RELN: variants seen among roughly 807,000 people sequenced by gnomAD.
The protein encoded by RELN is reelin.
Under a neutral mutation model 427.6 loss-of-function variants are expected in RELN, and 108 were observed. The ratio of observed to expected loss-of-function variants is 0.25; its 90% CI spans 0.22 to 0.30. The LOEUF (loss-of-function observed/expected upper bound fraction) is 0.30. Among genes scored for constraint, RELN ranks in the 10% least tolerant of loss-of-function variants. The probability of loss-of-function intolerance (pLI) is 1.00; values close to 1 mark genes in which losing one functional copy is unlikely to be tolerated. For missense variants in RELN, 3,715 were observed against 4,302.8 expected, an observed-to-expected ratio of 0.86 and a Z score of 3.82; for synonymous variants, 1,524 against 1,513.4, an observed-to-expected ratio of 1.01 and a Z score of -0.16.
chr7:103,474,179 CATT>C (rs1328897794), intron 64 of RELN, among the ~76,000 whole-genome samples: 1 of 152,022 alleles, frequency 6.6e-6, no homozygotes, highest in African/African-American at 2.4e-5. Context: ...ACAGTTTCAT[CATT>C]AGAAAATTTA....
chr7:103,656,565 G>A (rs972680988), intron 12 of RELN, among the ~76,000 whole-genome samples: 1 of 152,024 alleles, frequency 6.6e-6, no homozygotes, highest in Non-Finnish European at 1.5e-5. Context: ...TGGTCTGAAA[G>A]GTTTTACAGG....
chr7:103,728,425 A>G (rs185744493), intron 6 of RELN, among the ~76,000 whole-genome samples: 3 of 152,272 alleles, frequency 2.0e-5, no homozygotes, highest in Admixed American at 2.0e-4. Flanking sequence ...AGTGGTGGGT[A>G]AGTTACTTAA....
At chr7:103,504,467 A>G (rs1313350383) in intron 51 of RELN, 1 of 152,242 alleles carries the variant, frequency 6.6e-6, no homozygotes, top group Non-Finnish European at 1.5e-5. Context: ...GACAGCTGGC[A>G]AGATGGCTGA....
chr7:103,735,131 C>T (rs1790459422), intron 6 of RELN, among the ~76,000 whole-genome samples: 1 of 151,960 alleles, frequency 6.6e-6, no homozygotes, highest in Admixed American at 6.6e-5. Context: ...ACCAAAAAAA[C>T]TAGGATCAAA....
intron 11 of RELN, among the ~76,000 whole-genome samples, chr7:103,665,244 A>T (rs1257855025): frequency 6.6e-6 from 1 of 151,802 alleles, no homozygotes; most frequent in Non-Finnish European, 1.5e-5. Flanking sequence ...TATAAACGTG[A>T]GTCTGTTTCT....
At chr7:103,849,145 C>G (rs1048631299) in intron 2 of RELN, among the ~76,000 whole-genome samples, 1 of 152,142 alleles carries the variant, frequency 6.6e-6, no homozygotes, top group Non-Finnish European at 1.5e-5. Flanking sequence ...AAATAATGAA[C>G]ATTAATTAGT....
chr7:103,867,664 A>T (rs533855524), intron 2 of RELN, among the ~76,000 whole-genome samples: 1 of 152,206 alleles, frequency 6.6e-6, no homozygotes, highest in African/African-American at 2.4e-5. Context: ...TATGCTATTT[A>T]AAAAATCTTG....
chr7:103,851,966 C>T (rs1321788146), intron 2 of RELN, among the ~76,000 whole-genome samples: 1 of 152,140 alleles, frequency 6.6e-6, no homozygotes. Context: ...GGCACAGCCA[C>T]AATATGGAAA....
chr7:103,901,455 G>C (rs1244573304), intron 2 of RELN, among the ~76,000 whole-genome samples: 1 of 151,954 alleles, frequency 6.6e-6, no homozygotes, highest in Non-Finnish European at 1.5e-5. Flanking sequence ...TGTACACAAA[G>C]ATTCATGGCA....
chr7:103,952,518 A>AACAC (rs144751365), intron 1 of RELN, among the ~76,000 whole-genome samples: 25,313 of 148,228 alleles, frequency 0.17, 2,202 homozygotes, highest in Middle Eastern at 0.24. Flanking sequence ...TTAAACCTTA[A>AACAC]ACACACACAC....
rs748431260 is a variant in RELN, at chr7:103,650,284, T to A, written c.1992A>T (p.Ala664=). ...GGCATAAACACTAACCATTATCAAT[T>A]GCCCACATGTTTCCAAGGATTGGTC... ...QTGPILGNMW[A]IDNVYIGPSC... Residue 664 remains alanine (A), a synonymous_variant, in exon 16 of 65, where the codon GCA becomes GCT. Coordinates refer to ENST00000428762, the MANE Select transcript of RELN (RefSeq NM_005045.4). The A allele has an allele frequency of 6.3e-7, 1 of 1,596,788 alleles. No homozygotes were observed. The highest frequency in any genetic ancestry group is 8.6e-7 in the Non-Finnish European group (1 of 1,164,508).
chr7:103,617,639 A>G (rs180909673), intron 20 of RELN, among the ~76,000 whole-genome samples: 1 of 151,950 alleles, frequency 6.6e-6, no homozygotes, highest in Non-Finnish European at 1.5e-5. Context: ...TTATATATAT[A>G]CATGTGTGTA....
chr7:103,763,857 G>C (rs898008732), intron 4 of RELN, among the ~76,000 whole-genome samples: 1 of 151,776 alleles, frequency 6.6e-6, no homozygotes, highest in Non-Finnish European at 1.5e-5. Context: ...AGGGTTTGAG[G>C]CCAGGAGCAT....
chr7:103,931,660 C>G (rs1236319079), intron 1 of RELN, among the ~76,000 whole-genome samples: 36 of 152,212 alleles, frequency 2.4e-4, no homozygotes, highest in Admixed American at 2.4e-3. Context: ...TGCTTTCCTG[C>G]CAATTTTGTG....
chr7:103,543,741 A>ATT (rs11431411), intron 42 of RELN, among the ~76,000 whole-genome samples: 1 of 151,892 alleles, frequency 6.6e-6, no homozygotes, highest in Non-Finnish European at 1.5e-5. Context: ...TCGTTTATTT[A>ATT]TTTTTTCATT....
chr7:103,920,593 T>TTTTTTTTTTTTTTTTGA (rs57282777), intron 1 of RELN, among the ~76,000 whole-genome samples: 12 of 129,420 alleles, frequency 9.3e-5, no homozygotes, highest in African/African-American at 3.7e-4. Flanking sequence ...TTTTTTTTTT[T>TTTTTTTTTTTTTTTTGA]GAGAGAGTCT....
intron 2 of RELN, among the ~76,000 whole-genome samples, chr7:103,911,192 A>AT (rs2116653758): frequency 7.1e-6 from 1 of 139,950 alleles, no homozygotes; most frequent in African/African-American, 2.9e-5. Context: ...AAGTGGGCGA[A>AT]GAGCATGAAC....
At chr7:103,723,322 T>G in intron 7 of RELN, 131 bp from the exon 8 acceptor site, 1 of 677,082 alleles carries the variant, frequency 1.5e-6, no homozygotes, top group South Asian at 1.6e-5. Flanking sequence ...GAAGTTGCAT[T>G]TATCCAGTTG....
chr7:103,577,256 T>G (rs967279054), intron 28 of RELN, among the ~76,000 whole-genome samples: 2 of 152,228 alleles, frequency 1.3e-5, no homozygotes, highest in African/African-American at 2.4e-5. Context: ...TTTTGGCTCT[T>G]CAAGTGGCTT....
Sources: allele counts gnomAD v4.1 joint callset (sites outside exome capture counted in the v4.1 genomes callset), GRCh38; gene constraint gnomAD v4.1.1; transcripts MANE v1.5; gene names NCBI Gene and HGNC (gene_info 2026-07-23, HGNC 2026-07-21).